The following RHPN2 variants were observed in gnomAD, a reference collection of about 807,000 sequenced individuals.
RHPN2 encodes the protein rhophilin-2.
A neutral mutation model predicts 79.0 loss-of-function variants in RHPN2; 40 were observed. That is an observed-to-expected ratio of 0.51 (90% CI 0.39 to 0.66). The LOEUF (loss-of-function observed/expected upper bound fraction) is 0.66. Among genes scored for constraint, RHPN2 ranks in the 30% least tolerant of loss-of-function variants. The probability of loss-of-function intolerance (pLI) is 0.00; values close to 1 mark genes in which losing one functional copy is unlikely to be tolerated. For missense variants in RHPN2, 686 were observed against 883.5 expected, an observed-to-expected ratio of 0.78 and a Z score of 2.83; for synonymous variants, 285 against 363.5, an observed-to-expected ratio of 0.78 and a Z score of 2.46.
intron 2 of RHPN2, among the ~76,000 whole-genome samples, chr19:33,030,952 GTCAA>G (rs1160395966): frequency 6.6e-6 from 1 of 152,152 alleles, no homozygotes; most frequent in East Asian, 1.9e-4. Context: ...CTGATGAGCT[GTCAA>G]TCAAAGGTTC....
chr19:33,016,183 T>A (rs1377604677), intron 4 of RHPN2, among the ~76,000 whole-genome samples: 1 of 152,210 alleles, frequency 6.6e-6, no homozygotes, highest in Non-Finnish European at 1.5e-5. Flanking sequence ...AGAACAGATG[T>A]TATTTCATTT....
At chr19:33,020,053 C>T (rs1467184985) in intron 4 of RHPN2, among the ~76,000 whole-genome samples, 1 of 152,118 alleles carries the variant, frequency 6.6e-6, no homozygotes, top group Non-Finnish European at 1.5e-5. Flanking sequence ...CACTGAAGCA[C>T]CTCTTCCACT....
chr19:32,983,095 C>CACACACA (rs1568307710), intron 14 of RHPN2, among the ~76,000 whole-genome samples: 1 of 147,158 alleles, frequency 6.8e-6, no homozygotes, highest in East Asian at 2.0e-4. Flanking sequence ...CACACACACA[C>CACACACA]TCCTGCAATG....
At chr19:33,061,717 C>G (rs1249974908) in intron 1 of RHPN2, among the ~76,000 whole-genome samples, 1 of 152,146 alleles carries the variant, frequency 6.6e-6, no homozygotes, top group African/African-American at 2.4e-5. Flanking sequence ...CTCCTGATCT[C>G]AAGTGATCCA....
rs1971923857 is a variant in RHPN2, at chr19:33,021,567, T to TTA, written c.390+2_390+3dup. 6.2e-7 allele frequency: 1 copy of TTA among 1,612,814 alleles called. No individual in the cohort carries two copies. ...AGTCTGGTGCCCATGGCTTTGAGAT[T>TTA]TACCTTGAGGACGACTGCAAAGTCG... On this transcript the variant is annotated splice_donor_region_variant and intron_variant, in intron 4 of 14. Transcript: ENST00000254260.
intron 3 of RHPN2, among the ~76,000 whole-genome samples, chr19:33,024,916 T>C (rs1971954072): frequency 6.6e-6 from 1 of 152,112 alleles, no homozygotes; most frequent in Non-Finnish European, 1.5e-5. Flanking sequence ...CATGCCCGGC[T>C]AATTTTCCTA....
chr19:33,006,927 A>T (rs1971796073), intron 7 of RHPN2, among the ~76,000 whole-genome samples: 1 of 152,110 alleles, frequency 6.6e-6, no homozygotes, highest in Admixed American at 6.6e-5. Context: ...CTGTAATCCC[A>T]GCTACTTGGG....
At chr19:33,050,923 T>C (rs1242552522) in intron 1 of RHPN2, among the ~76,000 whole-genome samples, 2 of 152,166 alleles carry the variant, frequency 1.3e-5, no homozygotes, top group African/African-American at 4.8e-5. Flanking sequence ...GCCAAAGTTA[T>C]TTTGGATTAA....
chr19:33,023,807 A>G (rs1971945038), intron 3 of RHPN2, among the ~76,000 whole-genome samples: 1 of 151,824 alleles, frequency 6.6e-6, no homozygotes, highest in Non-Finnish European at 1.5e-5. Flanking sequence ...AAAGAAAAAA[A>G]AGAAAACAGA....
intron 1 of RHPN2, among the ~76,000 whole-genome samples, chr19:33,062,423 C>A (rs1281026359): frequency 6.6e-6 from 1 of 151,642 alleles, no homozygotes; most frequent in African/African-American, 2.4e-5. Flanking sequence ...GATCGCGCCA[C>A]TGCACTCCAG....
chr19:33,021,310 G>C (rs1029754861), intron 4 of RHPN2, among the ~76,000 whole-genome samples: 29 of 152,310 alleles, frequency 1.9e-4, no homozygotes, highest in African/African-American at 6.5e-4. Flanking sequence ...GACTCTGCCT[G>C]TTGAGCCTAA....
In RHPN2 at chr19:32,992,743, C is replaced by T. The variant is rs1317873877; in HGVS notation, c.1498-774G>A. Among the ~76,000 whole-genome samples the T allele has an allele frequency of 3.4e-5, 5 of 148,806 alleles. 1 individual carries two copies. The highest frequency in any genetic ancestry group is 4.2e-4 in the South Asian group (2 of 4,712). On this transcript the variant is annotated intron_variant, in intron 12 of 14. Transcript: ENST00000254260. ...GGAGGACTTCTTGAGCCCAGGAGTT[C>T]GAGGCTGCAGTGAACTATGATTGTG... is the stretch of plus-strand genomic sequence containing the variant.
intron 9 of RHPN2, among the ~76,000 whole-genome samples, chr19:33,001,261 C>A (rs990709818): frequency 2.0e-5 from 3 of 152,186 alleles, no homozygotes; most frequent in African/African-American, 7.2e-5. Flanking sequence ...CCTGGCCAGG[C>A]ACCATGGCTC....
intron 2 of RHPN2, among the ~76,000 whole-genome samples, chr19:33,042,506 C>T (rs933320923): frequency 3.3e-5 from 5 of 152,172 alleles, no homozygotes; most frequent in African/African-American, 7.2e-5. Context: ...AAAGCCAAAA[C>T]GCTACAGTAT....
At chr19:33,003,113 C>G (rs898970894) in intron 7 of RHPN2, 113 bp from the exon 8 acceptor site, 3 of 915,334 alleles carry the variant, frequency 3.3e-6, no homozygotes, top group Non-Finnish European at 5.2e-6. Flanking sequence ...AATCCCAACA[C>G]TTTGGGAGGC....
intron 1 of RHPN2, among the ~76,000 whole-genome samples, chr19:33,057,265 C>A (rs1002404907): frequency 6.6e-6 from 1 of 151,714 alleles, no homozygotes; most frequent in Non-Finnish European, 1.5e-5. Context: ...ATCACTGGAG[C>A]CAGGGAGGTT....
chr19:33,041,932 C>A (rs1455886087), intron 2 of RHPN2, among the ~76,000 whole-genome samples: 1 of 152,172 alleles, frequency 6.6e-6, no homozygotes, highest in African/African-American at 2.4e-5. Context: ...CCTGAAATCC[C>A]AGCACTCTGG....
At chr19:33,011,588 G>C (rs1301756239) in intron 6 of RHPN2, 91 bp downstream of exon 6, 1 of 1,522,400 alleles carries the variant, frequency 6.6e-7, no homozygotes, top group Non-Finnish European at 9.1e-7. Context: ...GGTGCACAGG[G>C]GCACCCGCAG....
chr19:32,992,813 T>TAAAAAAAAAAAAAAAAAAAGAAAA (rs56178801), intron 12 of RHPN2, among the ~76,000 whole-genome samples: 1 of 119,758 alleles, frequency 8.4e-6, no homozygotes. Context: ...GACCCTGTCT[T>TAAAAAAAAAAAAAAAAAAAGAAAA]AAAAAAAAAA....
Sources: allele counts gnomAD v4.1 joint callset (sites outside exome capture counted in the v4.1 genomes callset), GRCh38; gene constraint gnomAD v4.1.1; transcripts MANE v1.5; gene names NCBI Gene and HGNC (gene_info 2026-07-23, HGNC 2026-07-21).